The following EEFSEC variants were observed in gnomAD, a reference collection of about 807,000 sequenced individuals.
EEFSEC encodes the protein eukaryotic elongation factor, selenocysteine-tRNA specific, also known as selenocysteine-specific elongation factor.
A neutral mutation model predicts 42.1 loss-of-function variants in EEFSEC; 43 were observed. That is an observed-to-expected ratio of 1.02 (90% confidence interval 0.80 to 1.32). The LOEUF (loss-of-function observed/expected upper bound fraction) is 1.32. Among genes scored for constraint, EEFSEC ranks in the 40% most tolerant of loss-of-function variants. EEFSEC has a pLI of 0.00. For synonymous variants in EEFSEC, 354 were observed against 339.1 expected (o/e 1.04, Z -0.48); for missense variants, 745 against 803.6 (o/e 0.93, Z 0.88).
chr3:128,262,565 C>T (rs1439757215), intron 3 of EEFSEC, among the ~76,000 whole-genome samples: 15 of 152,212 alleles, frequency 9.9e-5, no homozygotes, highest in African/African-American at 3.6e-4. Context: ...ACCCTGGGAC[C>T]GTGACATCCA....
At chr3:128,208,866 C>T (rs1345099513) in intron 1 of EEFSEC, among the ~76,000 whole-genome samples, 1 of 152,194 alleles carries the variant, frequency 6.6e-6, no homozygotes, top group Admixed American at 6.5e-5. Flanking sequence ...CTACTTCTCA[C>T]TGAATGCTTA....
At chr3:128,281,795 T>TTTGAGC in intron 4 of EEFSEC, among the ~76,000 whole-genome samples, 1 of 152,196 alleles carries the variant, frequency 6.6e-6, no homozygotes, top group Non-Finnish European at 1.5e-5. Context: ...GTGCGGGGGT[T>TTTGAGC]TTGAGCCTTA....
chr3:128,204,091 T>G (rs961498807), intron 1 of EEFSEC, among the ~76,000 whole-genome samples: 5 of 152,238 alleles, frequency 3.3e-5, no homozygotes, highest in Non-Finnish European at 7.3e-5. Context: ...AGTGGTTAAC[T>G]TTTGTAAGGA....
intron 4 of EEFSEC, among the ~76,000 whole-genome samples, chr3:128,293,679 A>AAAAAAC (rs1553752142): frequency 0.75 from 99,723 of 133,270 alleles, 39,447 homozygotes; most frequent in Non-Finnish European, 0.83. Context: ...AAAAAAAAAA[A>AAAAAAC]AAAAAAAACT....
downstream of EEFSEC, among the ~76,000 whole-genome samples, chr3:128,412,190 A>C (rs971048056): frequency 1.3e-5 from 2 of 152,220 alleles, no homozygotes; most frequent in Non-Finnish European, 2.9e-5. Context: ...CATGCAGGTT[A>C]GTGGGGCCTC....
At chr3:128,263,596 A>G (rs2066320931) in intron 3 of EEFSEC, among the ~76,000 whole-genome samples, 2 of 152,252 alleles carry the variant, frequency 1.3e-5, no homozygotes. Context: ...AAGCCCCTAC[A>G]TAAATCTCAG....
chr3:128,352,618 C>T (rs1177920039), intron 5 of EEFSEC, among the ~76,000 whole-genome samples: 3 of 152,200 alleles, frequency 2.0e-5, no homozygotes, highest in African/African-American at 4.8e-5. Flanking sequence ...CTGCAGGTGG[C>T]GGCCATTGAG....
intron 4 of EEFSEC, among the ~76,000 whole-genome samples, chr3:128,302,785 C>T (rs549911691): frequency 7.9e-5 from 12 of 152,068 alleles, no homozygotes; most frequent in Admixed American, 2.0e-4. Flanking sequence ...CATATACTCA[C>T]GTATATAAGT....
intron 6 of EEFSEC, among the ~76,000 whole-genome samples, chr3:128,403,782 T>A (rs892081400): frequency 1.4e-4 from 22 of 152,242 alleles, no homozygotes; most frequent in African/African-American, 5.3e-4. Flanking sequence ...TGGCCTTGGG[T>A]CCAGCATTCC....
intron 1 of EEFSEC, among the ~76,000 whole-genome samples, chr3:128,192,866 C>T (rs895952614): frequency 4.6e-5 from 7 of 152,140 alleles, no homozygotes; most frequent in African/African-American, 1.7e-4. Flanking sequence ...AGCATCCTAA[C>T]AGGTATTTTT....
At chr3:128,392,459 C>T (rs73861076) in intron 6 of EEFSEC, among the ~76,000 whole-genome samples, 6,112 of 152,282 alleles carry the variant, frequency 0.04, 181 homozygotes, top group African/African-American at 0.082. Context: ...TTGTAATAGG[C>T]GAGGGGACCC....
intron 4 of EEFSEC, among the ~76,000 whole-genome samples, chr3:128,266,965 A>G (rs1334166237): frequency 6.6e-6 from 1 of 152,140 alleles, no homozygotes. Flanking sequence ...TGTGCTTCCT[A>G]AGTCAGACCT....
At chr3:128,269,496 C>T (rs988709866) in intron 4 of EEFSEC, among the ~76,000 whole-genome samples, 2 of 152,246 alleles carry the variant, frequency 1.3e-5, no homozygotes, top group African/African-American at 4.8e-5. Context: ...GGGGCCATGG[C>T]CCTCTTTCCA....
chr3:128,341,432 T>A lies in EEFSEC; in HGVS notation c.986T>A (p.Leu329Gln), dbSNP rs773204747. The A allele has an allele frequency of 6.2e-7, 1 of 1,614,128 alleles. No homozygotes were observed. Among genetic ancestry groups the A allele is most frequent in the Non-Finnish European group, 8.5e-7 (1 of 1,180,022 alleles). ...AAGATACCGTATTTCCGGGGGCCCC[T>A]GCAAACCAAGGCCAAGTTCCACATT... is the stretch of plus-strand genomic sequence containing the variant. ...VEKIPYFRGP[L>Q]QTKAKFHITV... is the part of the protein sequence containing the mutation. The change falls in exon 5 of 7, where the codon CTG becomes CAG. Residue 329 changes from leucine to glutamine, a missense_variant. Transcript: ENST00000254730.
intron 3 of EEFSEC, among the ~76,000 whole-genome samples, chr3:128,263,458 G>A (rs1215374464): frequency 6.6e-6 from 1 of 152,212 alleles, no homozygotes; most frequent in Non-Finnish European, 1.5e-5. Context: ...ATGTTTTCTG[G>A]GTGAGGCTTT....
chr3:128,217,077 TAGAA>T (rs888873497), intron 1 of EEFSEC, among the ~76,000 whole-genome samples: 5 of 152,294 alleles, frequency 3.3e-5, no homozygotes, highest in East Asian at 1.9e-4. Context: ...GAAAATAACA[TAGAA>T]AGAAGAAAAT....
At chr3:128,421,362 G>C in the EEFSEC span, among the ~76,000 whole-genome samples, 2 of 152,168 alleles carry the variant, frequency 1.3e-5, no homozygotes, top group Non-Finnish European at 2.9e-5. Context: ...TGAACAGGGG[G>C]GTCAGGAGGA....
intron 4 of EEFSEC, among the ~76,000 whole-genome samples, chr3:128,320,251 CT>C (rs1233313964): frequency 6.6e-6 from 1 of 152,234 alleles, no homozygotes; most frequent in African/African-American, 2.4e-5. Context: ...TCCTCTGAGT[CT>C]TTTCTTGATG....
At chr3:128,154,698 C>G (rs1490298107) in intron 1 of EEFSEC, among the ~76,000 whole-genome samples, 1 of 152,188 alleles carries the variant, frequency 6.6e-6, no homozygotes, top group Non-Finnish European at 1.5e-5. Context: ...ACCCGCCCGC[C>G]CTGGCCTCCC....
Sources: allele counts gnomAD v4.1 joint callset (sites outside exome capture counted in the v4.1 genomes callset), GRCh38; gene constraint gnomAD v4.1.1; transcripts MANE v1.5; gene names NCBI Gene and HGNC (gene_info 2026-07-23, HGNC 2026-07-21).